SOD2: variants seen among roughly 807,000 people sequenced by gnomAD.
SOD2 encodes superoxide dismutase 2.
In SOD2, 11 loss-of-function variants were observed where a neutral mutation model predicts 27.0. The observed-to-expected ratio is 0.41, with a 90% CI of 0.26 to 0.67. The LOEUF (loss-of-function observed/expected upper bound fraction) is 0.67, where lower values mean the gene tolerates loss of function less well. Among genes scored for constraint, SOD2 ranks in the 30% least tolerant of loss-of-function variants. SOD2 has a pLI of 0.34. For synonymous variants in SOD2, 105 were observed against 103.0 expected (o/e 1.02, Z -0.12); for missense variants, 250 against 274.5 (o/e 0.91, Z 0.63).
chr6:159,743,407 C>G (rs1779380442), intron 1 of SOD2, among the ~76,000 whole-genome samples: 1 of 152,184 alleles, frequency 6.6e-6, no homozygotes, highest in South Asian at 2.1e-4. Context: ...TACTGTATAA[C>G]ACAGATGTTT....
intron 1 of SOD2, among the ~76,000 whole-genome samples, chr6:159,719,984 A>G (rs1487933289): frequency 6.6e-6 from 1 of 150,796 alleles, no homozygotes; most frequent in Non-Finnish European, 1.5e-5. Context: ...TCGGTCTCCC[A>G]AAGTCCTGGG....
chr6:159,739,017 G>A, intron 1 of SOD2: 2 of 1,612,174 alleles, frequency 1.2e-6, no homozygotes, highest in South Asian at 1.1e-5. Context: ...AGACTTCAAA[G>A]TTATGGCAAG....
At chr6:159,705,263 T>A (rs1463484082) in intron 1 of SOD2, among the ~76,000 whole-genome samples, 1 of 152,204 alleles carries the variant, frequency 6.6e-6, no homozygotes, top group Non-Finnish European at 1.5e-5. Context: ...GGAACAAAGC[T>A]GGACAGAGAA....
At chr6:159,736,489 T>A in intron 1 of SOD2, 1 of 438,656 alleles carries the variant, frequency 2.3e-6, no homozygotes, top group Non-Finnish European at 4.0e-6. Flanking sequence ...GTATATTTTT[T>A]AGAATATTTT....
At chr6:159,710,038 G>C (rs550006146) in intron 1 of SOD2, among the ~76,000 whole-genome samples, 3 of 142,528 alleles carry the variant, frequency 2.1e-5, no homozygotes, top group Non-Finnish European at 3.0e-5. Flanking sequence ...AACACCACAT[G>C]TTCTCACTCA....
Position 159,676,501 on chromosome 6 carries a change from A to G in SOD2, c.*5992T>C, listed in dbSNP as rs1379726058. 6.6e-6 allele frequency: 1 copy of G among 152,158 alleles called. No homozygotes were observed. The highest frequency in any genetic ancestry group is 2.4e-5 in the African/African-American group (1 of 41,426). 9.4% of individuals were successfully genotyped at this position (152,158 alleles called of 1,614,324 possible). On this transcript the variant is annotated 3_prime_UTR_variant, in exon 5 of 5. Coordinates refer to ENST00000538183, the MANE Select transcript of SOD2 (RefSeq NM_000636.4). Reference sequence around the variant, plus strand: ...TCTCAGCAAACTATTCCAAGGACAAAAAAACAAACACCGCATGTTCTCACT... The same window carrying G: ...TCTCAGCAAACTATTCCAAGGACAAGAAAACAAACACCGCATGTTCTCACT...
At chr6:159,698,159 G>A (rs577656031), upstream of SOD2, among the ~76,000 whole-genome samples, 1 of 152,310 alleles carries the variant, frequency 6.6e-6, no homozygotes, top group African/African-American at 2.4e-5. Context: ...TGTAGTCCCA[G>A]CTACTTGGGA....
intron 1 of SOD2, chr6:159,753,749 A>T: frequency 8.8e-7 from 1 of 1,138,812 alleles, no homozygotes. Flanking sequence ...ATTGTGAGTG[A>T]AGCATTTTTA....
In SOD2 at chr6:159,675,629, T is replaced by C. The variant is rs1394820966; in HGVS notation, c.*6864A>G. On this transcript the variant is annotated 3_prime_UTR_variant, in exon 5 of 5. Transcript: ENST00000538183. ...GGATTAAAGACTTAAATGTTAGACC[T>C]AAAACCATAAAAACCCTAGAAGAAA... is the stretch of plus-strand genomic sequence containing the variant. 1.3e-5 allele frequency: 2 copies of C among 152,238 alleles called. No homozygotes were observed. The highest frequency in any genetic ancestry group is 4.8e-5 in the African/African-American group (2 of 41,536). The allele number at this position is 152,238 out of a possible 1,614,324, so 9.4% of individuals were successfully genotyped here. A position where few individuals can be genotyped will look rare whatever the true frequency, so the allele number is the denominator to read the frequency against.
intron 1 of SOD2, chr6:159,736,424 T>A (rs1778921025): frequency 1.4e-6 from 1 of 733,936 alleles, no homozygotes; most frequent in African/African-American, 1.8e-5. Flanking sequence ...TTTGCCTTTA[T>A]AACAATAATA....
upstream of SOD2, among the ~76,000 whole-genome samples, chr6:159,697,808 G>T (rs1777450474): frequency 6.6e-6 from 1 of 152,238 alleles, no homozygotes; most frequent in South Asian, 2.1e-4. Flanking sequence ...ACCCCTGAAT[G>T]ATGCAGTGTC....
upstream of SOD2, among the ~76,000 whole-genome samples, chr6:159,729,166 T>TA (rs1427347127): frequency 6.6e-6 from 1 of 152,242 alleles, no homozygotes. Flanking sequence ...TATGGTCTTG[T>TA]ATGTAGTATT....
At chr6:159,721,021 ATT>A (rs140558738) in intron 1 of SOD2, among the ~76,000 whole-genome samples, 1 of 136,762 alleles carries the variant, frequency 7.3e-6, no homozygotes. Context: ...GCACCCGACT[ATT>A]TTTTTTTTGT....
intron 1 of SOD2, among the ~76,000 whole-genome samples, chr6:159,735,490 C>G (rs1194272091): frequency 6.6e-6 from 1 of 152,144 alleles, no homozygotes; most frequent in Non-Finnish European, 1.5e-5. Flanking sequence ...GTGGTTCATT[C>G]CTGTAATCCC....
chr6:159,736,240 C>G, intron 1 of SOD2: 1 of 1,576,098 alleles, frequency 6.3e-7, no homozygotes, highest in Non-Finnish European at 8.6e-7. Context: ...ACTTGTTTTC[C>G]GCAACTTTTT....
At chr6:159,742,693 T>G (rs1583089181) in intron 1 of SOD2, among the ~76,000 whole-genome samples, 1 of 152,326 alleles carries the variant, frequency 6.6e-6, no homozygotes, top group Non-Finnish European at 1.5e-5. Context: ...GTTTTGTAAC[T>G]TCAGAAGGGT....
intron 1 of SOD2, among the ~76,000 whole-genome samples, chr6:159,719,233 T>G (rs774772331): frequency 6.6e-5 from 10 of 152,046 alleles, no homozygotes; most frequent in Non-Finnish European, 1.5e-4. Flanking sequence ...ACATAAGAGA[T>G]AAGAGAAGTC....
intron 3 of SOD2, among the ~76,000 whole-genome samples, chr6:159,687,393 A>G (rs2842958): frequency 0.77 from 116,396 of 151,904 alleles, 45,055 homozygotes; most frequent in South Asian, 0.85. Context: ...GCTGAGACAC[A>G]AGAATTGCAT....
rs531436426 is a variant in SOD2 at position 159,673,315 on chromosome 6, C to T, written c.*9178G>A. On this transcript the variant is annotated 3_prime_UTR_variant, in exon 5 of 5. Transcript: ENST00000538183. ...ATATACATTCTTCTCAGCACCACAT[C>T]GCACCTATTCCAAAATTGACCACAT... 40 of 152,274 alleles carry T rather than the reference C, an allele frequency of 2.6e-4. No individual in the cohort carries two copies. Among genetic ancestry groups the T allele is most frequent in the Admixed American group, 1.8e-3 (28 of 15,284 alleles). The allele number at this position is 152,274 out of a possible 1,614,324, so 9.4% of individuals were successfully genotyped here.
Sources: gnomAD v4.1 joint callset for allele counts (sites outside exome capture counted in the v4.1 genomes callset) on GRCh38, gnomAD v4.1.1 for gene constraint, MANE v1.5 for transcripts, NCBI Gene and HGNC (gene_info 2026-07-23, HGNC 2026-07-21) for gene names.